NEDD1: variants seen among roughly 807,000 people sequenced by gnomAD.
The protein encoded by NEDD1 is protein NEDD1.
A neutral mutation model predicts 74.0 loss-of-function variants in NEDD1; 33 were observed. The ratio of observed to expected loss-of-function variants is 0.45; its 90% CI spans 0.34 to 0.60. The LOEUF is 0.60. NEDD1 is among the 20% of genes least tolerant of loss of function. The pLI is 0.01. For synonymous variants in NEDD1, 250 were observed against 264.4 expected (o/e 0.95, Z 0.53); for missense variants, 746 against 776.5 (o/e 0.96, Z 0.47).
intron 6 of NEDD1, among the ~76,000 whole-genome samples, chr12:96,921,989 A>G (rs1448548731): frequency 6.6e-6 from 1 of 152,184 alleles, no homozygotes; most frequent in Admixed American, 6.5e-5. Context: ...TGGGCTTTAT[A>G]TAGGACCAAT....
chr12:96,907,509 G>A, intron 1 of NEDD1, 95 bp from the exon 2 acceptor site: 1 of 1,051,966 alleles, frequency 9.5e-7, no homozygotes, highest in Non-Finnish European at 1.4e-6. Context: ...CGCACCTCCC[G>A]GAGCCTTGTG....
At chr12:96,942,530 G>T (rs1042034751) in intron 10 of NEDD1, 47 bp from the exon 11 acceptor site, 19 of 927,510 alleles carry the variant, frequency 2.0e-5, no homozygotes, top group Non-Finnish European at 3.3e-5. Context: ...AATTGATATG[G>T]TTTCTTTTTC....
intron 9 of NEDD1, among the ~76,000 whole-genome samples, chr12:96,939,820 T>G (rs1021123501): frequency 6.6e-6 from 1 of 152,026 alleles, no homozygotes; most frequent in Non-Finnish European, 1.5e-5. Context: ...TCTGGTTTGC[T>G]TCCTCTTTGA....
Position 96,940,406 on chromosome 12 carries a change from A to C in NEDD1, c.1118-3A>C. The C allele has an allele frequency of 6.4e-7, 1 of 1,564,536 alleles. No homozygotes were observed. The highest frequency in any genetic ancestry group is 8.7e-7 in the Non-Finnish European group (1 of 1,143,278). On this transcript the variant is annotated splice_polypyrimidine_tract_variant and splice_region_variant and intron_variant, in intron 9 of 15. Coordinates refer to ENST00000266742, the MANE Select transcript of NEDD1 (RefSeq NM_152905.4). ...ATTGATTTTTATATCTAATTCCTATAAGGTTTGCCTCGAAGCATAAACACA... is the reference window on the plus strand; with the variant it reads ...ATTGATTTTTATATCTAATTCCTATCAGGTTTGCCTCGAAGCATAAACACA...
rs192704375 is a variant in NEDD1, at chr12:96,912,754, C to T, written c.168C>T (p.Gly56=). 215 of 1,606,156 alleles carry T rather than the reference C, an allele frequency of 1.3e-4. No individual in the cohort carries two copies. The Middle Eastern group carries it at 2.5e-3, about 19-fold the overall frequency. Residue 56 remains glycine, a synonymous_variant, in exon 4 of 16, where the codon GGC becomes GGT. Coordinates refer to ENST00000266742, the MANE Select transcript of NEDD1 (RefSeq NM_152905.4). The part of the protein sequence containing the change: ...NNFLVTASSS[G]DKIVVSSCKC... ...TTTTAGTAACAGCATCTTCCAGTGGCGACAAAATAGTTGTCTCAAGTTGCA... is the reference window on the plus strand; with the variant it reads ...TTTTAGTAACAGCATCTTCCAGTGGTGACAAAATAGTTGTCTCAAGTTGCA...
intron 6 of NEDD1, among the ~76,000 whole-genome samples, chr12:96,927,854 C>A (rs898038877): frequency 6.6e-6 from 1 of 152,076 alleles, no homozygotes; most frequent in African/African-American, 2.4e-5. Context: ...CACTCAAAAA[C>A]TTTGACTACA....
rs1878770552 is a variant in NEDD1 at position 96,952,122 on chromosome 12, A to C, written c.*69A>C. 2.4e-6 allele frequency: 2 copies of C among 839,672 alleles called. No individual in the cohort carries two copies. The highest frequency in any genetic ancestry group is 4.1e-5 in the Admixed American group (2 of 48,744). The allele number at this position is 839,672 out of a possible 1,614,324, so 52.0% of individuals were successfully genotyped here. On this transcript the variant is annotated 3_prime_UTR_variant, in exon 16 of 16. Transcript: ENST00000266742. ...TGGCAACACAGAACTACATAGAATC[A>C]GTATTGTTTTCATGGCCTCCAGGGA...
chr12:96,936,855 ATC>A, intron 8 of NEDD1, 43 bp downstream of exon 8: 3 of 1,236,192 alleles, frequency 2.4e-6, no homozygotes, highest in Non-Finnish European at 3.5e-6. Context: ...TATTAAATAA[ATC>A]TAACTCAGAA....
intron 6 of NEDD1, among the ~76,000 whole-genome samples, chr12:96,922,348 T>C (rs1875192669): frequency 6.6e-6 from 1 of 152,198 alleles, no homozygotes; most frequent in Non-Finnish European, 1.5e-5. Context: ...TTGGAACTAT[T>C]GTGAAAAAAA....
chr12:96,923,788 T>TTTTGTGTGTGTGTG (rs549447581), intron 6 of NEDD1, among the ~76,000 whole-genome samples: 1 of 142,250 alleles, frequency 7.0e-6, no homozygotes, highest in Non-Finnish European at 1.5e-5. Context: ...TAATACCTGT[T>TTTTGTGTGTGTGTG]TGTGTGTGTG....
At chr12:96,936,348 C>T (rs534304539) in intron 7 of NEDD1, among the ~76,000 whole-genome samples, 1 of 152,000 alleles carries the variant, frequency 6.6e-6, no homozygotes, top group East Asian at 1.9e-4. Context: ...ATAGGTGCTG[C>T]TTCTATAAGA....
intron 2 of NEDD1, 82 bp downstream of exon 2, chr12:96,907,938 C>A: frequency 8.2e-7 from 1 of 1,217,272 alleles, no homozygotes; most frequent in African/African-American, 1.5e-5. Context: ...GTTGTGTTTC[C>A]TAAGTTGGAG....
chr12:96,912,879 C>A, intron 4 of NEDD1, 62 bp downstream of exon 4: 1 of 794,082 alleles, frequency 1.3e-6, no homozygotes. Flanking sequence ...CTGGCAATTG[C>A]TTATTGTGGT....
chr12:96,937,502 T>C (rs189966449), intron 9 of NEDD1, 109 bp downstream of exon 9: 14 of 508,282 alleles, frequency 2.8e-5, no homozygotes, highest in African/African-American at 2.0e-4. Context: ...AACTCAAATT[T>C]ATTTGAGTAC....
intron 2 of NEDD1, among the ~76,000 whole-genome samples, chr12:96,908,332 C>T (rs139533062): frequency 1.3e-5 from 2 of 152,252 alleles, no homozygotes; most frequent in Non-Finnish European, 2.9e-5. Context: ...TTATACTAGA[C>T]GTAGGTGTGC....
At position 96,945,744 on chromosome 12, in the gene NEDD1, A is replaced by G. The variant is rs1455383224; in HGVS notation, c.1706A>G (p.Glu569Gly). Residue 569 changes from glutamate (E) to glycine (G), a missense_variant, in exon 14 of 16, where the codon GAA (glutamate) becomes GGA (glycine). By Grantham distance (98) the Glu-to-Gly change is moderately conservative. This residue lies in a region of NEDD1 where 706 missense variants were observed against 706.7 expected (regional missense o/e 1.00). Coordinates refer to ENST00000266742, the MANE Select transcript of NEDD1 (RefSeq NM_152905.4). ...GCTGGAGTTGCCAGTTCACTCTCAG[A>G]AAAAATAGCCGACAGCATTGGAAAT... ...VTAGVASSLS[E>G]KIADSIGNNR... 1.2e-6 allele frequency: 2 copies of G among 1,607,846 alleles called. No homozygotes were observed. The highest frequency in any genetic ancestry group is 1.7e-6 in the Non-Finnish European group (2 of 1,174,454).
intron 14 of NEDD1, among the ~76,000 whole-genome samples, chr12:96,946,233 A>G (rs1878188426): frequency 1.3e-5 from 2 of 152,196 alleles, no homozygotes; most frequent in South Asian, 2.1e-4. Flanking sequence ...ACTTTAAAGC[A>G]CAATTCTGAA....
chr12:96,927,705 A>C (rs950812782), intron 6 of NEDD1, among the ~76,000 whole-genome samples: 2 of 152,222 alleles, frequency 1.3e-5, no homozygotes, highest in Non-Finnish European at 1.5e-5. Context: ...TTTTGTAAGC[A>C]TTAATAGTCT....
chr12:96,937,613 ACTT>A (rs942978075), intron 9 of NEDD1, among the ~76,000 whole-genome samples: 11 of 152,038 alleles, frequency 7.2e-5, no homozygotes, highest in Admixed American at 3.9e-4. Flanking sequence ...GTTTAGCTAA[ACTT>A]CTCTTGTGAG....
Sources: allele counts gnomAD v4.1 joint callset (sites outside exome capture counted in the v4.1 genomes callset), GRCh38; gene constraint gnomAD v4.1.1; regional missense constraint gnomAD v4.1.1; transcripts MANE v1.5; gene names NCBI Gene and HGNC (gene_info 2026-07-23, HGNC 2026-07-21).